MYO16: variants seen among roughly 807,000 people sequenced by gnomAD.
The protein encoded by MYO16 is myosin XVI, also known as unconventional myosin-XVI.
A neutral mutation model predicts 205.3 loss-of-function variants in MYO16; 94 were observed. The ratio of observed to expected loss-of-function variants is 0.46; its 90% CI spans 0.39 to 0.54. The LOEUF is 0.54. Among genes scored for constraint, MYO16 ranks in the 20% least tolerant of loss-of-function variants. The pLI is 0.00. For synonymous variants in MYO16, 988 were observed against 954.0 expected (o/e 1.04, Z -0.66); for missense variants, 2,315 against 2,387.5 (o/e 0.97, Z 0.63).
chr13:108,914,849 G>T (rs989927211), intron 16 of MYO16, among the ~76,000 whole-genome samples: 7 of 152,058 alleles, frequency 4.6e-5, no homozygotes, highest in African/African-American at 1.7e-4. Context: ...CACCATGTTG[G>T]CCAGGCTGGT....
intron 31 of MYO16, among the ~76,000 whole-genome samples, chr13:109,135,007 C>A (rs1033978198): frequency 2.0e-5 from 3 of 152,144 alleles, no homozygotes; most frequent in Non-Finnish European, 4.4e-5. Context: ...CAGATCGCAT[C>A]GTCTAAACCA....
intron 22 of MYO16, among the ~76,000 whole-genome samples, chr13:109,018,191 CTGTT>C (rs1885893124): frequency 6.6e-6 from 1 of 152,192 alleles, no homozygotes; most frequent in African/African-American, 2.4e-5. Flanking sequence ...CAGTTACTCT[CTGTT>C]TGTTAGTTTT....
chr13:108,863,691 T>C (rs196150), intron 11 of MYO16, among the ~76,000 whole-genome samples: 21,836 of 152,052 alleles, frequency 0.14, 1,742 homozygotes, highest in East Asian at 0.29. Context: ...GTCAATTTTG[T>C]GTGTTGTTCT....
chr13:108,708,882 T>C (rs1042325920), intron 2 of MYO16, among the ~76,000 whole-genome samples: 1 of 152,208 alleles, frequency 6.6e-6, no homozygotes, highest in African/African-American at 2.4e-5. Context: ...AGCAGCTGTG[T>C]AGTCTATTAA....
At chr13:108,649,234 T>C (rs1239016678) in intron 1 of MYO16, among the ~76,000 whole-genome samples, 1 of 152,116 alleles carries the variant, frequency 6.6e-6, no homozygotes, top group African/African-American at 2.4e-5. Context: ...TAAAAAAAAT[T>C]CCAGTGTCCA....
intron 2 of MYO16, among the ~76,000 whole-genome samples, chr13:108,692,870 G>C (rs897326179): frequency 5.9e-5 from 9 of 152,152 alleles, no homozygotes; most frequent in Non-Finnish European, 1.0e-4. Context: ...TCCACACTGT[G>C]GATGGGACTT....
chr13:108,756,440 A>G (rs1373670165), intron 4 of MYO16, among the ~76,000 whole-genome samples: 1 of 152,116 alleles, frequency 6.6e-6, no homozygotes, highest in Non-Finnish European at 1.5e-5. Context: ...CCCAAGGTCT[A>G]AGAAAAACTT....
intron 20 of MYO16, among the ~76,000 whole-genome samples, chr13:108,966,954 TATAA>T (rs1883814304): frequency 1.3e-5 from 2 of 152,098 alleles, no homozygotes; most frequent in South Asian, 4.1e-4. Context: ...AAAAAGATTA[TATAA>T]ATAAATAATA....
chr13:108,711,878 G>T (rs1883736438), intron 2 of MYO16, among the ~76,000 whole-genome samples: 1 of 152,172 alleles, frequency 6.6e-6, no homozygotes, highest in Non-Finnish European at 1.5e-5. Context: ...TGCATTCATG[G>T]TATTTTATTA....
chr13:109,075,177 A>G (rs1421801638), intron 27 of MYO16, among the ~76,000 whole-genome samples: 1 of 152,216 alleles, frequency 6.6e-6, no homozygotes, highest in East Asian at 1.9e-4. Flanking sequence ...TTATATAGAC[A>G]TGTTCTCACT....
chr13:108,729,315 C>G (rs1371924873), intron 4 of MYO16, among the ~76,000 whole-genome samples: 1 of 152,072 alleles, frequency 6.6e-6, no homozygotes, highest in African/African-American at 2.4e-5. Context: ...ATGCTGTGAC[C>G]TGATCAACTT....
chr13:108,834,694 A>G (rs1007702253), intron 9 of MYO16, among the ~76,000 whole-genome samples: 9 of 151,856 alleles, frequency 5.9e-5, no homozygotes, highest in African/African-American at 1.2e-4. Context: ...GTGAATATAT[A>G]TATATATTCA....
At chr13:108,739,086 T>A (rs1013434284) in intron 4 of MYO16, among the ~76,000 whole-genome samples, 5 of 152,228 alleles carry the variant, frequency 3.3e-5, no homozygotes, top group African/African-American at 9.6e-5. Context: ...CTTGACTCTA[T>A]CCAATTTGCC....
At chr13:108,536,807 T>A in the MYO16 span, among the ~76,000 whole-genome samples, 1 of 152,088 alleles carries the variant, frequency 6.6e-6, no homozygotes, top group Non-Finnish European at 1.5e-5. Context: ...TATATTATTA[T>A]AAAAATGGAG....
At position 109,141,150 on chromosome 13, in the gene MYO16, C is replaced by A. The variant is rs775304803; in HGVS notation, c.4938C>A (p.Pro1646=). 1 of 1,602,952 alleles carries A rather than the reference C, an allele frequency of 6.2e-7. No individual in the cohort carries two copies. The highest frequency in any genetic ancestry group is 8.5e-7 in the Non-Finnish European group (1 of 1,174,752). The change falls in exon 32 of 35, where the codon CCC becomes CCA. Residue 1646 remains proline (P), a synonymous_variant. Coordinates refer to ENST00000457511, the MANE Select transcript of MYO16 (RefSeq NM_001198950.3). This position sits in a 1 kb window ranked among gnomAD's most constrained non-coding sequence, Gnocchi z 4.1. ...TTCACCCAAAGCCAAACTCTGCCCCCGTGGCCGGGCCCTGCAGCTCCTTCC... is the reference window on the plus strand; with the variant it reads ...TTCACCCAAAGCCAAACTCTGCCCCAGTGGCCGGGCCCTGCAGCTCCTTCC... The part of the protein sequence containing the change: ...PKVHPKPNSA[P]VAGPCSSFPK...
chr13:108,602,536 C>T (rs1878803696), intron 1 of MYO16, among the ~76,000 whole-genome samples: 1 of 151,846 alleles, frequency 6.6e-6, no homozygotes, highest in Non-Finnish European at 1.5e-5. Context: ...TAGAATATGT[C>T]ACTAATAAAT....
chr13:108,726,863 T>G (rs1457449406), intron 3 of MYO16, among the ~76,000 whole-genome samples: 1 of 151,996 alleles, frequency 6.6e-6, no homozygotes, highest in African/African-American at 2.4e-5. Flanking sequence ...CATTATAAAA[T>G]CATTAAAATT....
intron 20 of MYO16, among the ~76,000 whole-genome samples, chr13:108,980,975 A>AG (rs1474037670): frequency 6.6e-6 from 1 of 152,222 alleles, no homozygotes; most frequent in Non-Finnish European, 1.5e-5. Context: ...ATGATGGGCT[A>AG]GGGATATGAA....
At chr13:108,548,907 A>C in the MYO16 span, among the ~76,000 whole-genome samples, 2 of 152,150 alleles carry the variant, frequency 1.3e-5, no homozygotes, top group African/African-American at 2.4e-5. Flanking sequence ...ACAATTAATG[A>C]GTTCTTTTTC....
Sources: gnomAD v4.1 joint callset for allele counts (sites outside exome capture counted in the v4.1 genomes callset) on GRCh38, gnomAD v4.1.1 for gene constraint, Gnocchi (gnomAD v3.1) non-coding constraint, MANE v1.5 for transcripts, NCBI Gene and HGNC (gene_info 2026-07-23, HGNC 2026-07-21) for gene names.